ITPR1: variants seen among roughly 807,000 people sequenced by gnomAD.
The protein encoded by ITPR1 is inositol 1,4,5-trisphosphate receptor type 1.
ITPR1 carries 96 observed loss-of-function variants against 318.4 expected under a neutral mutation model. The observed-to-expected ratio is 0.30, with a 90% CI of 0.26 to 0.36. The LOEUF (loss-of-function observed/expected upper bound fraction) is 0.36, where lower values mean the gene tolerates loss of function less well. Ranked by LOEUF, ITPR1 falls within the 10% of genes least tolerant of loss-of-function variation. ITPR1 has a pLI of 1.00. For synonymous variants in ITPR1, 1,312 were observed against 1,289.9 expected, an observed-to-expected ratio of 1.02 and a Z score of -0.37; for missense variants, 2,440 against 3,460.2, an observed-to-expected ratio of 0.71 and a Z score of 7.40.
intron 4 of ITPR1, among the ~76,000 whole-genome samples, chr3:4,537,421 T>C (rs1403835678): frequency 6.6e-6 from 1 of 152,256 alleles, no homozygotes; most frequent in Non-Finnish European, 1.5e-5. Context: ...ATTATTTTGT[T>C]CCTAGATTGA....
At chr3:4,552,004 G>A (rs540245774) in intron 4 of ITPR1, among the ~76,000 whole-genome samples, 113 of 152,328 alleles carry the variant, frequency 7.4e-4, no homozygotes, top group African/African-American at 2.6e-3. Flanking sequence ...TCTCAGGATA[G>A]CAGAAGTAAT....
At chr3:4,673,829 A>G (rs376184405) in intron 21 of ITPR1, among the ~76,000 whole-genome samples, 1,738 of 152,048 alleles carry the variant, frequency 0.011, 34 homozygotes, top group Middle Eastern at 0.038. Context: ...TGAGCCGTCC[A>G]CCTCGGCCTC....
At chr3:4,511,669 G>C (rs1410844170) in intron 2 of ITPR1, among the ~76,000 whole-genome samples, 1 of 152,200 alleles carries the variant, frequency 6.6e-6, no homozygotes, top group African/African-American at 2.4e-5. Context: ...GCTGGGAAAA[G>C]TGAGGCTTAG....
chr3:4,800,725 T>A, intron 54 of ITPR1, 125 bp downstream of exon 54: 1 of 985,276 alleles, frequency 1.0e-6, no homozygotes, highest in Non-Finnish European at 1.5e-6. Context: ...GGCAACTGTT[T>A]AAATAGCCAG....
intron 26 of ITPR1, among the ~76,000 whole-genome samples, chr3:4,681,914 T>TA (rs11402845): frequency 0.012 from 1,756 of 151,158 alleles, 21 homozygotes; most frequent in Middle Eastern, 0.041. Flanking sequence ...TGAACCCCTT[T>TA]AAAAAAAAAC....
At chr3:4,689,134 A>G (rs1416634020) in intron 31 of ITPR1, among the ~76,000 whole-genome samples, 3 of 152,248 alleles carry the variant, frequency 2.0e-5, no homozygotes, top group Non-Finnish European at 4.4e-5. Flanking sequence ...CACTTAACAC[A>G]TTATGGATGC....
At chr3:4,675,733 T>C (rs2094170883) in intron 23 of ITPR1, among the ~76,000 whole-genome samples, 3 of 152,236 alleles carry the variant, frequency 2.0e-5, no homozygotes, top group Non-Finnish European at 2.9e-5. Context: ...TGCCTTTGCA[T>C]GTTTATTTCT....
chr3:4,577,440 G>A (rs192093739), intron 4 of ITPR1, among the ~76,000 whole-genome samples: 1 of 152,312 alleles, frequency 6.6e-6, no homozygotes, highest in South Asian at 2.1e-4. Flanking sequence ...GGATGCTGAC[G>A]TTGCTAGCAG....
At chr3:4,612,042 G>A (rs183736185) in intron 4 of ITPR1, among the ~76,000 whole-genome samples, 2 of 145,326 alleles carry the variant, frequency 1.4e-5, no homozygotes, top group East Asian at 2.0e-4. Flanking sequence ...TAAAATTATA[G>A]CATAACAAGT....
chr3:4,532,076 AC>A (rs2083460175), intron 4 of ITPR1, among the ~76,000 whole-genome samples: 1 of 152,238 alleles, frequency 6.6e-6, no homozygotes, highest in Non-Finnish European at 1.5e-5. Flanking sequence ...AAATGCCATA[AC>A]ACTGCTAATT....
chr3:4,525,336 A>G (rs761458403), intron 4 of ITPR1, among the ~76,000 whole-genome samples: 6 of 152,248 alleles, frequency 3.9e-5, no homozygotes, highest in Non-Finnish European at 5.9e-5. Flanking sequence ...TAATTTTCAC[A>G]GTAGATATAG....
chr3:4,725,722 G>A lies in ITPR1; in HGVS notation c.5172+141G>A, dbSNP rs1004833064. 1.3e-5 allele frequency: 9 copies of A among 717,586 alleles called. No individual in the cohort carries two copies. In the African/African-American group the frequency reaches 1.4e-4, roughly 11 times the overall value. 44.5% of individuals were successfully genotyped at this position (717,586 alleles called of 1,614,324 possible). On this transcript the variant is annotated intron_variant, in intron 41 of 61. Coordinates refer to ENST00000649015, the MANE Select transcript of ITPR1 (RefSeq NM_001378452.1). ...AGGAGGGAGGTCTCTAGGCTGGCTG[G>A]GAACAGATCATTGCTGACGTGGATG...
chr3:4,727,118 C>A lies in ITPR1; in HGVS notation c.5173-8C>A. The A allele has an allele frequency of 6.3e-7, 1 of 1,597,502 alleles. No individual in the cohort carries two copies. Among genetic ancestry groups the A allele is most frequent in the South Asian group, 1.1e-5 (1 of 90,906 alleles). On this transcript the variant is annotated splice_region_variant and splice_polypyrimidine_tract_variant and intron_variant, in intron 41 of 61. Coordinates refer to ENST00000649015, the MANE Select transcript of ITPR1 (RefSeq NM_001378452.1). ...TGTATTAAAATGGAATTTCTGCATG[C>A]CTAGCAGGAGCTTGAACCAAGTCCA... is the stretch of plus-strand genomic sequence containing the variant.
intron 4 of ITPR1, among the ~76,000 whole-genome samples, chr3:4,607,968 C>A (rs1402669946): frequency 3.3e-5 from 5 of 152,108 alleles, no homozygotes; most frequent in African/African-American, 9.7e-5. Flanking sequence ...ATCTGCCTAG[C>A]CTGGTAGCCT....
chr3:4,608,763 A>C (rs1374581720), intron 4 of ITPR1, among the ~76,000 whole-genome samples: 2 of 151,894 alleles, frequency 1.3e-5, no homozygotes, highest in Admixed American at 6.6e-5. Flanking sequence ...GCACTTTGGG[A>C]AGCCAAGGCA....
intron 44 of ITPR1, among the ~76,000 whole-genome samples, chr3:4,748,865 G>C (rs1424409397): frequency 6.6e-6 from 1 of 152,180 alleles, no homozygotes; most frequent in Non-Finnish European, 1.5e-5. Context: ...TTGTTACCTG[G>C]CAACATTGCT....
At chr3:4,783,180 T>C (rs929733343) in intron 50 of ITPR1, among the ~76,000 whole-genome samples, 2 of 152,266 alleles carry the variant, frequency 1.3e-5, no homozygotes, top group Non-Finnish European at 2.9e-5. Context: ...TTTTTGGGGA[T>C]ACGGCAATAC....
intron 60 of ITPR1, among the ~76,000 whole-genome samples, chr3:4,835,074 C>T (rs1031842023): frequency 5.3e-5 from 8 of 152,104 alleles, no homozygotes; most frequent in Non-Finnish European, 8.8e-5. Context: ...TAAGGTGGTT[C>T]CTGCCTTCAT....
chr3:4,642,275 A>C, intron 7 of ITPR1, 24 bp downstream of exon 7: 1 of 1,491,056 alleles, frequency 6.7e-7, no homozygotes, highest in Non-Finnish European at 8.9e-7. Context: ...CTCCACCTAG[A>C]AAGTCTTCCG....
Sources: allele counts gnomAD v4.1 joint callset (sites outside exome capture counted in the v4.1 genomes callset), GRCh38; gene constraint gnomAD v4.1.1; transcripts MANE v1.5; gene names NCBI Gene and HGNC (gene_info 2026-07-23, HGNC 2026-07-21).